Variants in CAMTA1 observed in about 807,000 individuals in gnomAD.
CAMTA1 encodes calmodulin-binding transcription activator 1.
CAMTA1 carries 27 observed loss-of-function variants against 170.9 expected under a neutral mutation model. That is an observed-to-expected ratio of 0.16 (90% CI 0.12 to 0.22). The LOEUF (loss-of-function observed/expected upper bound fraction) is 0.22, where lower values mean the gene tolerates loss of function less well. Among genes scored for constraint, CAMTA1 ranks in the 10% least tolerant of loss-of-function variants. The pLI, the probability that CAMTA1 is intolerant of heterozygous loss-of-function variation, is 1.00. For synonymous variants in CAMTA1, 833 were observed against 891.5 expected, an observed-to-expected ratio of 0.93 and a Z score of 1.17; for missense variants, 1,619 against 2,217.2, an observed-to-expected ratio of 0.73 and a Z score of 5.42.
intron 4 of CAMTA1, among the ~76,000 whole-genome samples, chr1:7,205,783 T>C (rs1453788732): frequency 6.6e-6 from 1 of 152,188 alleles, no homozygotes; most frequent in Non-Finnish European, 1.5e-5. Context: ...GAAAACCTCT[T>C]CCTACATCCA....
chr1:7,028,528 CT>C (rs554197319), intron 3 of CAMTA1, among the ~76,000 whole-genome samples: 256 of 152,310 alleles, frequency 1.7e-3, no homozygotes, highest in South Asian at 0.015. Flanking sequence ...TGTTCTCCTT[CT>C]TGCTGCCGTC....
At chr1:6,930,991 G>A (rs1050441757) in intron 3 of CAMTA1, among the ~76,000 whole-genome samples, 9 of 152,206 alleles carry the variant, frequency 5.9e-5, no homozygotes, top group East Asian at 5.8e-4. Context: ...CTAAAGCCAC[G>A]GCTTTGATTC....
chr1:7,278,999 A>G (rs564146003), intron 5 of CAMTA1, among the ~76,000 whole-genome samples: 92 of 151,940 alleles, frequency 6.1e-4, no homozygotes, highest in African/African-American at 2.1e-3. Flanking sequence ...CCATGAGGAG[A>G]AGGGGAAGGC....
chr1:7,245,046 C>T (rs1665534582), intron 4 of CAMTA1, among the ~76,000 whole-genome samples: 1 of 151,656 alleles, frequency 6.6e-6, no homozygotes, highest in Non-Finnish European at 1.5e-5. Flanking sequence ...TAGAGTTTTT[C>T]TTTTAGGTTT....
chr1:7,640,290 C>A, intron 6 of CAMTA1, 110 bp from the exon 7 acceptor site: 1 of 1,194,058 alleles, frequency 8.4e-7, no homozygotes, highest in Non-Finnish European at 1.2e-6. Flanking sequence ...GTCAAGAGAG[C>A]CGGGTGTCTG....
intron 5 of CAMTA1, among the ~76,000 whole-genome samples, chr1:7,256,824 G>C (rs1056064121): frequency 6.6e-6 from 1 of 152,010 alleles, no homozygotes; most frequent in Admixed American, 6.6e-5. Context: ...TTGGTGTCTG[G>C]CGAGGGCCTG....
intron 5 of CAMTA1, among the ~76,000 whole-genome samples, chr1:7,270,253 AC>A (rs1447662806): frequency 4.9e-5 from 1 of 20,286 alleles, no homozygotes; most frequent in African/African-American, 1.8e-4. Context: ...ATACACACAC[AC>A]ACACACACAC....
chr1:7,285,203 GA>G (rs1672182638), intron 5 of CAMTA1, among the ~76,000 whole-genome samples: 1 of 152,230 alleles, frequency 6.6e-6, no homozygotes, highest in African/African-American at 2.4e-5. Context: ...CTGATGATGA[GA>G]AAATGAGTCA....
At chr1:7,068,614 A>T (rs1468822402) in intron 3 of CAMTA1, among the ~76,000 whole-genome samples, 2 of 151,798 alleles carry the variant, frequency 1.3e-5, no homozygotes, top group Non-Finnish European at 2.9e-5. Context: ...ATCCATTTAT[A>T]AATAATCTGG....
chr1:7,239,671 G>A (rs1574121026), intron 4 of CAMTA1, among the ~76,000 whole-genome samples: 1 of 119,304 alleles, frequency 8.4e-6, no homozygotes, highest in Non-Finnish European at 1.7e-5. Context: ...GCAGCAAAAT[G>A]TACTTCCATC....
chr1:7,505,925 G>A (rs541130233), intron 6 of CAMTA1, among the ~76,000 whole-genome samples: 14 of 152,298 alleles, frequency 9.2e-5, no homozygotes, highest in Admixed American at 1.3e-4. Context: ...CTCCCAGTCC[G>A]AGAGGCCTCC....
intron 6 of CAMTA1, among the ~76,000 whole-genome samples, chr1:7,539,676 A>G (rs977943765): frequency 6.6e-6 from 1 of 152,206 alleles, no homozygotes; most frequent in African/African-American, 2.4e-5. Flanking sequence ...TCTCATACAG[A>G]ATTGGCTACA....
intron 4 of CAMTA1, among the ~76,000 whole-genome samples, chr1:7,133,422 T>C (rs1437360280): frequency 6.6e-6 from 1 of 152,230 alleles, no homozygotes; most frequent in Non-Finnish European, 1.5e-5. Flanking sequence ...CTGTAGAATG[T>C]ACTCCCTCTC....
chr1:7,385,230 C>A (rs1475917157), intron 5 of CAMTA1, among the ~76,000 whole-genome samples: 2 of 151,878 alleles, frequency 1.3e-5, no homozygotes, highest in East Asian at 3.9e-4. Context: ...GCAGGGACTA[C>A]AGGCACATGC....
rs377024737 is a variant in CAMTA1 at position 7,286,656 on chromosome 1, C to T, written c.438+37030C>T. On this transcript the variant is annotated intron_variant, in intron 5 of 22. Coordinates refer to ENST00000303635, the MANE Select transcript of CAMTA1 (RefSeq NM_015215.4). The surrounding 1 kb of genome is among the most constrained non-coding windows in gnomAD (Gnocchi z 4.2). ...AGCTGCTGGGCTAGAGTACAGGTGT[C>T]GTATCTCAGAGCATGTTAGGCTAAG... is the stretch of plus-strand genomic sequence containing the variant. 1.1e-4 allele frequency among the ~76,000 whole-genome samples: 16 copies of T among 152,220 alleles called. No individual in the cohort carries two copies. The East Asian group carries it at 1.9e-3, about 18-fold the overall frequency.
chr1:7,681,485 A>G lies in CAMTA1; in HGVS notation c.2914+3752A>G, dbSNP rs1472558313. Among the ~76,000 whole-genome samples, 2 of 152,162 alleles carry G rather than the reference A, an allele frequency of 1.3e-5. No individual in the cohort carries two copies. The highest frequency in any genetic ancestry group is 2.9e-5 in the Non-Finnish European group (2 of 68,036). On this transcript the variant is annotated intron_variant, in intron 11 of 22. Coordinates refer to ENST00000303635, the MANE Select transcript of CAMTA1 (RefSeq NM_015215.4). The surrounding 1 kb of genome is among the most constrained non-coding windows in gnomAD (Gnocchi z 4.6). ...TTTTCACCATTTCTCCTCCACCCAC[A>G]AAGGTGCGGATTCAGAACAAATTTC...
rs769308213 is a variant in CAMTA1 at position 7,664,613 on chromosome 1, A to T, written c.2066A>T (p.Glu689Val). 1.9e-6 allele frequency: 3 copies of T among 1,610,888 alleles called. No individual in the cohort carries two copies. Among genetic ancestry groups the T allele is most frequent in the Non-Finnish European group, 2.5e-6 (3 of 1,178,188 alleles). The change falls in exon 9 of 23, where the codon GAG becomes GTG. Residue 689 changes from glutamate (E) to valine (V), a missense_variant. Glu to Val is a moderately radical substitution (Grantham distance 121). This residue lies in a region of CAMTA1 where 731 missense variants were observed against 907.6 expected (regional missense o/e 0.81). Coordinates refer to ENST00000303635, the MANE Select transcript of CAMTA1 (RefSeq NM_015215.4). The stretch of plus-strand genomic sequence containing the variant: ...TTCCAGGCCATGACGGCAGAAGGGG[A>T]GGTCACCATGGAGACCTCGCAGGCG... ...ANFQAMTAEGEVTMETSQAAE... is the reference protein window; with the variant it reads ...ANFQAMTAEGVVTMETSQAAE...
At chr1:7,452,099 G>A (rs763494464) in intron 5 of CAMTA1, among the ~76,000 whole-genome samples, 54 of 152,314 alleles carry the variant, frequency 3.5e-4, no homozygotes, top group Admixed American at 7.8e-4. Flanking sequence ...AGGCCTCAAG[G>A]GCAGGACAAA....
chr1:7,199,627 A>G (rs2148999671), intron 4 of CAMTA1, among the ~76,000 whole-genome samples: 1 of 152,066 alleles, frequency 6.6e-6, no homozygotes, highest in South Asian at 2.1e-4. Context: ...CCTGTTCTCC[A>G]GGGAACCCAG....
Sources: gnomAD v4.1 joint callset for allele counts (sites outside exome capture counted in the v4.1 genomes callset) on GRCh38, gnomAD v4.1.1 for gene constraint, gnomAD v4.1.1 regional missense constraint, Gnocchi (gnomAD v3.1) non-coding constraint, MANE v1.5 for transcripts, NCBI Gene and HGNC (gene_info 2026-07-23, HGNC 2026-07-21) for gene names.